Variants in SNW1 observed in about 807,000 individuals in gnomAD.
SNW1 encodes the protein SNW domain containing 1, also known as SNW domain-containing protein 1.
A neutral mutation model predicts 75.6 loss-of-function variants in SNW1; 9 were observed. The ratio of observed to expected loss-of-function variants is 0.12; its 90% CI spans 0.07 to 0.21. SNW1 has a LOEUF of 0.21. Among genes scored for constraint, SNW1 ranks in the 10% least tolerant of loss-of-function variants. SNW1 has a pLI of 1.00. For missense variants in SNW1, 409 were observed against 670.9 expected (o/e 0.61, Z 4.31); for synonymous variants, 200 against 219.1 (o/e 0.91, Z 0.77).
At chr14:77,729,851 C>A (rs1025349090) in intron 10 of SNW1, among the ~76,000 whole-genome samples, 1 of 152,146 alleles carries the variant, frequency 6.6e-6, no homozygotes, top group Non-Finnish European at 1.5e-5. Flanking sequence ...CAGGTCATTA[C>A]TCTGCTCAAA....
intron 10 of SNW1, among the ~76,000 whole-genome samples, chr14:77,723,729 A>G (rs1438923219): frequency 1.3e-5 from 2 of 152,008 alleles, no homozygotes; most frequent in Admixed American, 1.3e-4. Context: ...ATCTCAGCTC[A>G]CCGCAACCTC....
intron 11 of SNW1, among the ~76,000 whole-genome samples, chr14:77,721,873 G>C (rs983278457): frequency 1.3e-5 from 2 of 152,064 alleles, no homozygotes; most frequent in Admixed American, 6.6e-5. Flanking sequence ...TCGGCCTCTC[G>C]AGTAGCTGGG....
rs1189941676 is a variant in SNW1 at position 77,761,099 on chromosome 14, C to A, written c.14+15G>T. The A allele has an allele frequency of 1.2e-6, 2 of 1,614,152 alleles. No individual in the cohort carries two copies. The highest frequency in any genetic ancestry group is 1.3e-5 in the African/African-American group (1 of 74,948). ...CCAGACCCTTCCGTATCGAGGACCCCAATCAACAACCCACCTGGTGAGCGC... is the reference window on the plus strand; with the variant it reads ...CCAGACCCTTCCGTATCGAGGACCCAAATCAACAACCCACCTGGTGAGCGC... On this transcript the variant is annotated intron_variant, in intron 1 of 13. Coordinates refer to ENST00000261531, the MANE Select transcript of SNW1 (RefSeq NM_012245.3).
chr14:77,720,244 C>T (rs118161868), intron 12 of SNW1, among the ~76,000 whole-genome samples: 5,512 of 116,010 alleles, frequency 0.048, 150 homozygotes, highest in South Asian at 0.069. Context: ...AAGCAATTCT[C>T]GTGCCTCAGC....
intron 2 of SNW1, among the ~76,000 whole-genome samples, chr14:77,751,805 G>GACACACAC (rs61135876): frequency 0.018 from 2,444 of 139,422 alleles, 30 homozygotes; most frequent in African/African-American, 0.027. Context: ...GTCATGGGAA[G>GACACACAC]ACACACACAC....
Position 77,739,612 on chromosome 14 carries a change from GA to G in SNW1, c.331-552del, listed in dbSNP as rs545421992. The stretch of plus-strand genomic sequence containing the variant: ...TGCTTTCTTCCATGAGAAGACAAAA[GA>G]AAAAAAAAAAGAAAAAGAAAAATAT... On this transcript the variant is annotated intron_variant, in intron 3 of 13. Transcript: ENST00000261531. 9.9e-4 allele frequency among the ~76,000 whole-genome samples: 122 copies of G among 123,440 alleles called. 1 individual carries two copies. The highest frequency in any genetic ancestry group is 2.4e-3 in the African/African-American group (83 of 34,018). The allele number at this position is 123,440 out of a possible 152,430, so 81.0% of individuals were successfully genotyped here. A position where few individuals can be genotyped will look rare whatever the true frequency, so the allele number is the denominator to read the frequency against.
rs529890699 is a variant in SNW1, at chr14:77,720,446, A to G, written c.1248+265T>C. The G allele has an allele frequency of 1.3e-5, 9 of 697,388 alleles. No individual in the cohort carries two copies. The African/African-American group carries it at 1.4e-4, about 11-fold the overall frequency. 43.2% of individuals were successfully genotyped at this position (697,388 alleles called of 1,614,324 possible). ...CACCATGCCTGGCCTCCCTGGTTCTATTTTAGAAACAAAAGGTTGACATAC... is the reference window on the plus strand; with the variant it reads ...CACCATGCCTGGCCTCCCTGGTTCTGTTTTAGAAACAAAAGGTTGACATAC... On this transcript the variant is annotated intron_variant, in intron 12 of 13. Transcript: ENST00000261531.
intron 3 of SNW1, among the ~76,000 whole-genome samples, chr14:77,749,194 A>G (rs1305093446): frequency 6.6e-6 from 1 of 152,254 alleles, no homozygotes; most frequent in African/African-American, 2.4e-5. Flanking sequence ...CATTAGTTAA[A>G]GAGAATGTGC....
chr14:77,754,827 A>G, intron 2 of SNW1, 140 bp downstream of exon 2: 1 of 708,938 alleles, frequency 1.4e-6, no homozygotes, highest in Non-Finnish European at 2.2e-6. Context: ...AGGGAAATAT[A>G]CATCTTGAGA....
chr14:77,722,272 CAT>C (rs2080547327), intron 11 of SNW1, among the ~76,000 whole-genome samples: 1 of 152,094 alleles, frequency 6.6e-6, no homozygotes, highest in Non-Finnish European at 1.5e-5. Context: ...TCTATGCCCT[CAT>C]ATATATATTT....
At chr14:77,751,821 C>T (rs142566341) in intron 2 of SNW1, among the ~76,000 whole-genome samples, 6,402 of 119,918 alleles carry the variant, frequency 0.053, 160 homozygotes, top group Middle Eastern at 0.084. Flanking sequence ...CACACACACA[C>T]ACACACACAC....
chr14:77,737,919 G>A (rs1442003119), intron 5 of SNW1, among the ~76,000 whole-genome samples: 1 of 148,924 alleles, frequency 6.7e-6, no homozygotes, highest in Non-Finnish European at 1.5e-5. Context: ...TTGAACCCAG[G>A]AGGCAGAGGT....
intron 3 of SNW1, among the ~76,000 whole-genome samples, chr14:77,739,920 G>A (rs1379368228): frequency 6.6e-6 from 1 of 151,918 alleles, no homozygotes; most frequent in Non-Finnish European, 1.5e-5. Context: ...GGATCATGTG[G>A]TCAGGAGATC....
At chr14:77,741,096 C>CAAA (rs60307573) in intron 3 of SNW1, among the ~76,000 whole-genome samples, 6 of 87,264 alleles carry the variant, frequency 6.9e-5, no homozygotes, top group African/African-American at 1.8e-4. Context: ...AAACTGTCTC[C>CAAA]AAAAAAAAAA....
chr14:77,727,924 C>A (rs1442443236), intron 10 of SNW1, among the ~76,000 whole-genome samples: 1 of 151,916 alleles, frequency 6.6e-6, no homozygotes, highest in African/African-American at 2.4e-5. Flanking sequence ...TGGAAGCATT[C>A]CCTTCTCTTC....
chr14:77,720,928 A>G, intron 11 of SNW1, 100 bp from the exon 12 acceptor site: 1 of 763,308 alleles, frequency 1.3e-6, no homozygotes, highest in Non-Finnish European at 2.3e-6. Flanking sequence ...GGATGTGAAT[A>G]TGTCACATTC....
chr14:77,718,516 TCCACTGTCCATAC>T lies in SNW1; in HGVS notation c.1250_1262del (p.Gly417AspfsTer43). 1 of 1,610,694 alleles carries T rather than the reference TCCACTGTCCATAC, an allele frequency of 6.2e-7. No individual in the cohort carries two copies. The highest frequency in any genetic ancestry group is 8.5e-7 in the Non-Finnish European group (1 of 1,177,304). Reference sequence around the variant, plus strand: ...AAATTTCATCTTCTCCACCTGCAAATCCACTGTCCATACCCTGTGGAAAAATGGATGACATTAA... The same window carrying T: ...AAATTTCATCTTCTCCACCTGCAAATCCTGTGGAAAAATGGATGACATTAA... On this transcript the variant is annotated frameshift_variant and splice_region_variant, in exon 13 of 14. Coordinates refer to ENST00000261531, the MANE Select transcript of SNW1 (RefSeq NM_012245.3). LOFTEE classifies it high-confidence loss of function.
chr14:77,740,659 A>G (rs150481064), intron 3 of SNW1, among the ~76,000 whole-genome samples: 6 of 152,250 alleles, frequency 3.9e-5, no homozygotes, highest in South Asian at 2.1e-4. Context: ...AAGGTCCTCC[A>G]TTATCGAGGC....
Position 77,751,845 on chromosome 14 carries a change from C to CACACACACACCA in SNW1, c.169-366_169-365insTGGTGTGTGTGT, listed in dbSNP as rs1555388654. On this transcript the variant is annotated intron_variant, in intron 2 of 13. Coordinates refer to ENST00000261531, the MANE Select transcript of SNW1 (RefSeq NM_012245.3). ...ACACACACACACACACACACACACA[C>CACACACACACCA]CACACACACACACACACAAAGCATT... Among the ~76,000 whole-genome samples the CACACACACACCA allele has an allele frequency of 3.1e-4, 38 of 122,638 alleles. 1 individual carries two copies. The East Asian group carries it at 3.1e-3, about 10-fold the overall frequency. The allele number at this position is 122,638 out of a possible 152,430, so 80.5% of individuals were successfully genotyped here.
Sources: allele counts gnomAD v4.1 joint callset (sites outside exome capture counted in the v4.1 genomes callset), GRCh38; gene constraint gnomAD v4.1.1; transcripts MANE v1.5; gene names NCBI Gene and HGNC (gene_info 2026-07-23, HGNC 2026-07-21).